Variants in PDE4D observed in about 807,000 individuals in gnomAD.
PDE4D encodes the protein phosphodiesterase 4D, also known as 3',5'-cyclic-AMP phosphodiesterase 4D.
In PDE4D, 24 loss-of-function variants were observed where a neutral mutation model predicts 87.4. The ratio of observed to expected loss-of-function variants is 0.27; its 90% CI spans 0.20 to 0.39. The LOEUF (loss-of-function observed/expected upper bound fraction) is 0.39. Among genes scored for constraint, PDE4D ranks in the 10% least tolerant of loss-of-function variants. The pLI is 1.00. For synonymous variants in PDE4D, 384 were observed against 383.2 expected, an observed-to-expected ratio of 1.00 and a Z score of -0.02; for missense variants, 714 against 1,041.0, an observed-to-expected ratio of 0.69 and a Z score of 4.32.
chr5:59,221,636 A>G (rs553764843), intron 1 of PDE4D, among the ~76,000 whole-genome samples: 3 of 152,136 alleles, frequency 2.0e-5, no homozygotes, highest in Non-Finnish European at 1.5e-5. Context: ...TGTCTCAAAA[A>G]AAAAAGTTTT....
chr5:59,923,291 T>G (rs1243560954), intron 3 of PDE4D, among the ~76,000 whole-genome samples: 1 of 152,236 alleles, frequency 6.6e-6, no homozygotes, highest in South Asian at 2.1e-4. Context: ...CTTGATGTCC[T>G]GAAGGGACAG....
At chr5:59,446,261 T>A (rs1317214113) in intron 1 of PDE4D, among the ~76,000 whole-genome samples, 1 of 152,164 alleles carries the variant, frequency 6.6e-6, no homozygotes, top group African/African-American at 2.4e-5. Flanking sequence ...TTAACACTTA[T>A]AAGTGTTACC....
chr5:60,457,275 C>T (rs1012033707), intron 1 of PDE4D, among the ~76,000 whole-genome samples: 1 of 152,098 alleles, frequency 6.6e-6, no homozygotes. Context: ...AGTAATAAGG[C>T]CTTTTTCCCT....
chr5:60,371,589 T>A (rs1275403340), intron 1 of PDE4D, among the ~76,000 whole-genome samples: 1 of 152,174 alleles, frequency 6.6e-6, no homozygotes, highest in Non-Finnish European at 1.5e-5. Flanking sequence ...GGCAGTGGAT[T>A]TTCACAAAGT....
At chr5:60,310,560 T>C (rs960620406) in intron 1 of PDE4D, among the ~76,000 whole-genome samples, 1 of 152,164 alleles carries the variant, frequency 6.6e-6, no homozygotes, top group African/African-American at 2.4e-5. Flanking sequence ...AGGTAAAGTA[T>C]TTTTCAGCCA....
chr5:59,875,962 G>T (rs1461647167), intron 1 of PDE4D, among the ~76,000 whole-genome samples: 4 of 152,152 alleles, frequency 2.6e-5, no homozygotes, highest in African/African-American at 9.7e-5. Flanking sequence ...CCTATTGGAG[G>T]CTGGAGGGTG....
At position 60,273,740 on chromosome 5, in the gene PDE4D, G is replaced by T. The variant is rs145523732; in HGVS notation, c.-89-88053C>A. ...AAAAGAGGGAAGGAGAATCAAAAATGCCCCCCAAGTTACTTATCACTGAAA... is the reference window on the plus strand; with the variant it reads ...AAAAGAGGGAAGGAGAATCAAAAATTCCCCCCAAGTTACTTATCACTGAAA... On this transcript the variant is annotated intron_variant, in intron 1 of 16. Transcript: ENST00000502484. Among the ~76,000 whole-genome samples the T allele has an allele frequency of 3.2e-4, 49 of 152,206 alleles. No individual in the cohort carries two copies. The East Asian group carries it at 6.4e-3, about 20-fold the overall frequency.
At chr5:59,035,985 C>T (rs2291851) in intron 6 of PDE4D, among the ~76,000 whole-genome samples, 16,730 of 152,166 alleles carry the variant, frequency 0.11, 1,420 homozygotes, top group East Asian at 0.48. Flanking sequence ...CAATAATTTT[C>T]CTGCTTCAAT....
chr5:60,328,473 T>C (rs1583435990), intron 1 of PDE4D, among the ~76,000 whole-genome samples: 1 of 152,246 alleles, frequency 6.6e-6, no homozygotes, highest in East Asian at 1.9e-4. Flanking sequence ...TCTATATTGT[T>C]GCCTATAGCA....
At chr5:59,349,978 C>T (rs909607416) in intron 1 of PDE4D, among the ~76,000 whole-genome samples, 8 of 152,092 alleles carry the variant, frequency 5.3e-5, no homozygotes, top group African/African-American at 1.9e-4. Flanking sequence ...GATAATTGAG[C>T]AGATTCTTTT....
At chr5:60,419,212 A>C (rs1391311742) in intron 1 of PDE4D, among the ~76,000 whole-genome samples, 1 of 152,214 alleles carries the variant, frequency 6.6e-6, no homozygotes, top group Non-Finnish European at 1.5e-5. Flanking sequence ...ATTGTTTATA[A>C]TAACCAAAAA....
At chr5:59,616,918 C>CATATATATATCTATAT (rs1554043753) in intron 1 of PDE4D, among the ~76,000 whole-genome samples, 6 of 62,890 alleles carry the variant, frequency 9.5e-5, no homozygotes, top group Non-Finnish European at 1.6e-4. Context: ...CTAATAATTA[C>CATATATATATCTATAT]ATATATATAT....
intron 1 of PDE4D, among the ~76,000 whole-genome samples, chr5:60,486,477 C>T (rs901096116): frequency 2.0e-5 from 3 of 152,116 alleles, no homozygotes; most frequent in African/African-American, 7.2e-5. Flanking sequence ...ACGTTGGCTA[C>T]TTTTCTTTCT....
At position 59,863,367 on chromosome 5, in the gene PDE4D, T is replaced by C. The variant is rs1027254271; in HGVS notation, c.455+29801A>G. Among the ~76,000 whole-genome samples the C allele has an allele frequency of 5.1e-4, 78 of 152,322 alleles. 1 individual carries two copies. Among genetic ancestry groups the C allele is most frequent in the African/African-American group, 1.6e-3 (67 of 41,580 alleles). On this transcript the variant is annotated intron_variant, in intron 1 of 14. Transcript: ENST00000340635. ...ATAATACTATTAACTTTTTGTTTTGTTAATTTCTTACTATTTTTTTTTCTA... is the reference window on the plus strand; with the variant it reads ...ATAATACTATTAACTTTTTGTTTTGCTAATTTCTTACTATTTTTTTTTCTA...
chr5:60,149,785 A>C (rs1200350608), intron 2 of PDE4D, among the ~76,000 whole-genome samples: 2 of 148,950 alleles, frequency 1.3e-5, no homozygotes, highest in Middle Eastern at 3.6e-3. Flanking sequence ...ATATATGTAT[A>C]TATAATTATA....
chr5:59,504,490 C>T (rs559639433), intron 1 of PDE4D, among the ~76,000 whole-genome samples: 115 of 152,198 alleles, frequency 7.6e-4, no homozygotes, highest in Non-Finnish European at 1.5e-3. Flanking sequence ...TACCCTAGTT[C>T]TCATTCCTAG....
chr5:59,232,008 T>C (rs1459875265), intron 1 of PDE4D, among the ~76,000 whole-genome samples: 1 of 152,134 alleles, frequency 6.6e-6, no homozygotes, highest in Non-Finnish European at 1.5e-5. Flanking sequence ...GACACATGAA[T>C]TTGTCTCTGG....
At chr5:60,076,636 G>A (rs575540659) in intron 2 of PDE4D, among the ~76,000 whole-genome samples, 1 of 151,832 alleles carries the variant, frequency 6.6e-6, no homozygotes, top group Admixed American at 6.6e-5. Flanking sequence ...AACCCTGGGG[G>A]ACTGGTATCA....
chr5:59,448,332 T>C (rs537679861), intron 1 of PDE4D, among the ~76,000 whole-genome samples: 82 of 152,294 alleles, frequency 5.4e-4, no homozygotes, highest in Non-Finnish European at 9.0e-4. Context: ...CCCTTCTCCA[T>C]GTTCATTTCC....
Sources: gnomAD v4.1 joint callset for allele counts (sites outside exome capture counted in the v4.1 genomes callset) on GRCh38, gnomAD v4.1.1 for gene constraint, MANE v1.5 for transcripts, NCBI Gene and HGNC (gene_info 2026-07-23, HGNC 2026-07-21) for gene names.